Variants in PCSK6 observed in about 807,000 individuals in gnomAD.
The protein encoded by PCSK6 is paired basic amino acid cleaving enzyme 4.
PCSK6 carries 85 observed loss-of-function variants against 123.3 expected under a neutral mutation model. The observed-to-expected ratio is 0.69, with a 90% CI of 0.58 to 0.83. The LOEUF is 0.83. Ranked by LOEUF, PCSK6 falls within the 40% of genes least tolerant of loss-of-function variation. PCSK6 has a pLI of 0.00. For synonymous variants in PCSK6, 508 were observed against 516.0 expected, an observed-to-expected ratio of 0.98 and a Z score of 0.21; for missense variants, 1,191 against 1,282.3, an observed-to-expected ratio of 0.93 and a Z score of 1.09.
intron 11 of PCSK6, among the ~76,000 whole-genome samples, chr15:101,380,344 C>G (rs943753524): frequency 6.6e-6 from 1 of 152,212 alleles, no homozygotes; most frequent in East Asian, 1.9e-4. Flanking sequence ...GGGACACGAG[C>G]GGAGGCGCCG....
intron 1 of PCSK6, 124 bp from the exon 2 acceptor site, chr15:101,443,784 C>T: frequency 1.4e-6 from 1 of 711,528 alleles, no homozygotes; most frequent in Non-Finnish European, 2.5e-6. Context: ...ACACACCCTC[C>T]ATCACCCTGC....
intron 6 of PCSK6, among the ~76,000 whole-genome samples, chr15:101,411,197 G>A (rs1463075146): frequency 2.0e-5 from 3 of 152,158 alleles, no homozygotes; most frequent in Non-Finnish European, 4.4e-5. Flanking sequence ...TTCTGAGTGG[G>A]GAACAATTCC....
chr15:101,380,329 T>C (rs1024601080), intron 11 of PCSK6, among the ~76,000 whole-genome samples: 1 of 152,222 alleles, frequency 6.6e-6, no homozygotes, highest in African/African-American at 2.4e-5. Context: ...GGAGCCGCCC[T>C]GACGGGGACA....
intron 1 of PCSK6, among the ~76,000 whole-genome samples, chr15:101,477,155 C>T (rs544910054): frequency 7.9e-5 from 12 of 152,284 alleles, no homozygotes; most frequent in African/African-American, 2.9e-4. Flanking sequence ...TTACAAGTTA[C>T]GCCATAGAAG....
intron 1 of PCSK6, among the ~76,000 whole-genome samples, chr15:101,450,444 C>G (rs2057005131): frequency 6.6e-6 from 1 of 152,206 alleles, no homozygotes; most frequent in Non-Finnish European, 1.5e-5. Context: ...CCAGGAAGCC[C>G]TCTCAGGCCT....
chr15:101,355,355 T>C (rs2041007419), intron 13 of PCSK6, among the ~76,000 whole-genome samples: 1 of 152,234 alleles, frequency 6.6e-6, no homozygotes. Flanking sequence ...TGCCTGATTA[T>C]TTTTTCTATT....
rs1050892202 is a variant in PCSK6, at chr15:101,304,300, C to T, written c.*958G>A. The T allele has an allele frequency of 5.2e-5, 8 of 152,544 alleles. No individual in the cohort carries two copies. The highest frequency in any genetic ancestry group is 1.9e-4 in the African/African-American group (8 of 41,448). 9.4% of individuals were successfully genotyped at this position (152,544 alleles called of 1,614,324 possible). A position where few individuals can be genotyped will look rare whatever the true frequency, so the allele number is the denominator to read the frequency against. On this transcript the variant is annotated 3_prime_UTR_variant, in exon 22 of 22. Transcript: ENST00000611716. ...CTGTGTCATGTAGGCTTGTAATATA[C>T]ACAGACACAGGAGTTTCCACCTTAA...
At chr15:101,388,148 G>A (rs902955768) in intron 9 of PCSK6, among the ~76,000 whole-genome samples, 7 of 152,246 alleles carry the variant, frequency 4.6e-5, no homozygotes, top group African/African-American at 1.2e-4. Flanking sequence ...GTATGCGAAT[G>A]TGAGTTTCCA....
chr15:101,388,442 T>C (rs2042132975), intron 9 of PCSK6, among the ~76,000 whole-genome samples: 1 of 152,216 alleles, frequency 6.6e-6, no homozygotes, highest in Non-Finnish European at 1.5e-5. Context: ...TAAAGTACAA[T>C]TTGGTTTTGA....
At chr15:101,442,715 G>A (rs1485528711) in intron 2 of PCSK6, among the ~76,000 whole-genome samples, 1 of 152,162 alleles carries the variant, frequency 6.6e-6, no homozygotes, top group Non-Finnish European at 1.5e-5. Flanking sequence ...TTTAAGAGAA[G>A]ATGATTTCTG....
intron 15 of PCSK6, among the ~76,000 whole-genome samples, chr15:101,327,285 C>T (rs1463756942): frequency 2.6e-5 from 4 of 152,140 alleles, no homozygotes; most frequent in Admixed American, 6.5e-5. Context: ...GAGTAGACGC[C>T]AGCAAACCTC....
chr15:101,320,230 C>A (rs1194847957), intron 18 of PCSK6, among the ~76,000 whole-genome samples: 1 of 152,176 alleles, frequency 6.6e-6, no homozygotes, highest in East Asian at 1.9e-4. Context: ...AGATTACAGG[C>A]GTGCACCACC....
intron 1 of PCSK6, among the ~76,000 whole-genome samples, chr15:101,488,475 G>A (rs1225871315): frequency 6.6e-6 from 1 of 152,202 alleles, no homozygotes; most frequent in Non-Finnish European, 1.5e-5. Context: ...ACTGACAGAA[G>A]AGGGGACAGC....
At chr15:101,444,918 A>T (rs1370584814) in intron 1 of PCSK6, among the ~76,000 whole-genome samples, 2 of 152,122 alleles carry the variant, frequency 1.3e-5, no homozygotes, top group Non-Finnish European at 2.9e-5. Context: ...AGTGCAAGAG[A>T]GAGCCTCCCA....
At chr15:101,476,396 A>C (rs1025048562) in intron 1 of PCSK6, among the ~76,000 whole-genome samples, 7 of 152,216 alleles carry the variant, frequency 4.6e-5, no homozygotes, top group African/African-American at 1.4e-4. Context: ...CAGGTGTGGT[A>C]TAACAAAACA....
intron 2 of PCSK6, 144 bp downstream of exon 2, chr15:101,443,412 T>C (rs2056806602): frequency 4.9e-6 from 3 of 607,090 alleles, no homozygotes; most frequent in South Asian, 2.1e-5. Context: ...GTCTGATTCG[T>C]AGCTACACCT....
At chr15:101,367,975 C>T (rs948851684) in intron 12 of PCSK6, among the ~76,000 whole-genome samples, 2 of 152,226 alleles carry the variant, frequency 1.3e-5, no homozygotes, top group African/African-American at 4.8e-5. Context: ...CAGGTGCGTG[C>T]CACCACGCCC....
At position 101,489,477 on chromosome 15, in the gene PCSK6, G is replaced by T; in HGVS notation, c.194C>A (p.Pro65Gln). 2 of 1,095,212 alleles carry T rather than the reference G, an allele frequency of 1.8e-6. No homozygotes were observed. The highest frequency in any genetic ancestry group is 3.4e-5 in the South Asian group (1 of 29,250). 67.8% of individuals were successfully genotyped at this position (1,095,212 alleles called of 1,614,324 possible). Residue 65 changes from proline to glutamine, a missense_variant, in exon 1 of 22, where the codon CCG (proline) becomes CAG (glutamine). Around this residue, in one of 3 missense-constraint regions of PCSK6, gnomAD observed 204 missense variants for 166.4 expected, o/e 1.23. Transcript: ENST00000611716. ...GTGGTTGGTGTAGACGGGGCGCGGCGGGGGCGCGGAGCAGGCGGCAGGCAG... is the reference window on the plus strand; with the variant it reads ...GTGGTTGGTGTAGACGGGGCGCGGCTGGGGCGCGGAGCAGGCGGCAGGCAG... ...LALPAACSAP[P>Q]PRPVYTNHWA...
chr15:101,392,249 C>CA lies in PCSK6; in HGVS notation c.1209+962_1209+963insT, dbSNP rs2042253479. 2.0e-5 allele frequency among the ~76,000 whole-genome samples: 3 copies of CA among 152,278 alleles called. No homozygotes were observed. In the South Asian group the frequency reaches 6.2e-4, roughly 32 times the overall value. ...ATCTCAGCTGCCCGTCCCAGGGGTG[C>CA]GTACTCCAGCAGAAAAGGAAAATAA... On this transcript the variant is annotated intron_variant, in intron 8 of 21. Transcript: ENST00000611716.
Sources: allele counts gnomAD v4.1 joint callset (sites outside exome capture counted in the v4.1 genomes callset), GRCh38; gene constraint gnomAD v4.1.1; regional missense constraint gnomAD v4.1.1; transcripts MANE v1.5; gene names NCBI Gene and HGNC (gene_info 2026-07-23, HGNC 2026-07-21).